Variants in FBXL20 observed in about 807,000 individuals in gnomAD.
The protein encoded by FBXL20 is F-box/LRR-repeat protein 20.
In FBXL20, 11 loss-of-function variants were observed where a neutral mutation model predicts 64.0. The observed-to-expected ratio is 0.17, with a 90% CI of 0.11 to 0.28. FBXL20 has a LOEUF of 0.28. FBXL20 is among the 10% of genes least tolerant of loss of function. The pLI, the probability that FBXL20 is intolerant of heterozygous loss-of-function variation, is 1.00. For synonymous variants in FBXL20, 184 were observed against 189.0 expected (o/e 0.97, Z 0.22); for missense variants, 303 against 526.2 (o/e 0.58, Z 4.15).
chr17:39,318,688 C>T (rs1224427133), intron 2 of FBXL20, among the ~76,000 whole-genome samples: 2 of 151,710 alleles, frequency 1.3e-5, no homozygotes, highest in Non-Finnish European at 2.9e-5. Flanking sequence ...TTCAGTGAGC[C>T]GAGATCATGC....
chr17:39,287,000 C>T (rs922839241), intron 6 of FBXL20, among the ~76,000 whole-genome samples: 2 of 149,602 alleles, frequency 1.3e-5, no homozygotes, highest in Admixed American at 6.7e-5. Flanking sequence ...GCAACCTCCG[C>T]CTCCTGGGTT....
At chr17:39,336,638 ACATGGTG>A (rs1174143496) in intron 2 of FBXL20, among the ~76,000 whole-genome samples, 1 of 152,094 alleles carries the variant, frequency 6.6e-6, no homozygotes, top group Non-Finnish European at 1.5e-5. Flanking sequence ...AGCCTGGCCA[ACATGGTG>A]AAACCCCATC....
At chr17:39,402,314 G>T, upstream of FBXL20, 5 of 854,246 alleles carry the variant, frequency 5.9e-6, no homozygotes, top group African/African-American at 1.7e-5. Flanking sequence ...CGCCTCCCCC[G>T]CCCCAGTGCA....
At chr17:39,332,763 G>T (rs1424978289) in intron 2 of FBXL20, among the ~76,000 whole-genome samples, 1 of 151,910 alleles carries the variant, frequency 6.6e-6, no homozygotes, top group African/African-American at 2.4e-5. Flanking sequence ...GAATGGTCCC[G>T]ATCTCCTGAC....
intron 2 of FBXL20, among the ~76,000 whole-genome samples, chr17:39,325,088 G>A (rs764164308): frequency 3.8e-4 from 58 of 152,140 alleles, no homozygotes; most frequent in Non-Finnish European, 7.8e-4. Flanking sequence ...GGCACCTGTA[G>A]TCCTAGTTAC....
chr17:39,372,871 C>G (rs1223453243), intron 1 of FBXL20, among the ~76,000 whole-genome samples: 1 of 151,900 alleles, frequency 6.6e-6, no homozygotes, highest in African/African-American at 2.4e-5. Context: ...GTGATCCACC[C>G]GCCTCAGCCT....
In FBXL20 at chr17:39,264,399, T is replaced by G; in HGVS notation, c.991-12A>C. ...CAGTGAGACAGACTCTGCAGCCAAA[T>G]AGAGCAAGGAAGGATGTTGAAATAT... On this transcript the variant is annotated splice_polypyrimidine_tract_variant and intron_variant, in intron 13 of 14. Coordinates refer to ENST00000264658, the MANE Select transcript of FBXL20 (RefSeq NM_032875.3). The G allele has an allele frequency of 6.2e-7, 1 of 1,610,702 alleles. No individual in the cohort carries two copies. Among genetic ancestry groups the G allele is most frequent in the East Asian group, 2.2e-5 (1 of 44,822 alleles).
intron 4 of FBXL20, 25 bp downstream of exon 4, chr17:39,300,976 G>C (rs1265844343): frequency 1.2e-5 from 20 of 1,607,164 alleles, no homozygotes; most frequent in Non-Finnish European, 1.7e-5. Flanking sequence ...CATGAAAACT[G>C]GGGCCACACA....
chr17:39,312,009 G>A (rs1322035531), intron 2 of FBXL20, among the ~76,000 whole-genome samples: 1 of 152,096 alleles, frequency 6.6e-6, no homozygotes, highest in African/African-American at 2.4e-5. Context: ...TCCTGAAGGG[G>A]TTCTAAGTAT....
intron 12 of FBXL20, among the ~76,000 whole-genome samples, chr17:39,268,309 C>T (rs1260739724): frequency 1.3e-5 from 2 of 151,942 alleles, no homozygotes; most frequent in African/African-American, 4.8e-5. Flanking sequence ...GCTGAGATCT[C>T]GCCACTGCAC....
At chr17:39,362,838 A>G (rs972795437) in intron 1 of FBXL20, among the ~76,000 whole-genome samples, 1 of 144,038 alleles carries the variant, frequency 6.9e-6, no homozygotes, top group Non-Finnish European at 1.5e-5. Context: ...CAGACTGGTC[A>G]TGCTCCTGAC....
At chr17:39,328,744 T>C (rs2047433224) in intron 2 of FBXL20, among the ~76,000 whole-genome samples, 1 of 152,190 alleles carries the variant, frequency 6.6e-6, no homozygotes, top group African/African-American at 2.4e-5. Flanking sequence ...CAAAGTTTTA[T>C]GAGAAACAAG....
chr17:39,313,367 G>GCCTT (rs1224248219), intron 2 of FBXL20, among the ~76,000 whole-genome samples: 1 of 151,816 alleles, frequency 6.6e-6, no homozygotes, highest in African/African-American at 2.4e-5. Context: ...CCAAGTAGCT[G>GCCTT]GAATTACAGG....
At chr17:39,315,389 TAATTTA>T (rs1434847563) in intron 2 of FBXL20, among the ~76,000 whole-genome samples, 3 of 96,146 alleles carry the variant, frequency 3.1e-5, no homozygotes, top group East Asian at 5.2e-4. Flanking sequence ...AAAGTTTAAA[TAATTTA>T]TATATATATA....
chr17:39,344,523 C>T (rs1314314860), intron 1 of FBXL20, among the ~76,000 whole-genome samples: 1 of 152,086 alleles, frequency 6.6e-6, no homozygotes, highest in Non-Finnish European at 1.5e-5. Context: ...CAGTGGCTCA[C>T]ACTTGTAATC....
chr17:39,286,163 G>C (rs1174902228), intron 6 of FBXL20, among the ~76,000 whole-genome samples: 2 of 152,166 alleles, frequency 1.3e-5, no homozygotes, highest in Non-Finnish European at 2.9e-5. Flanking sequence ...ATATAAACAA[G>C]AGTAAATAAT....
chr17:39,318,547 C>A (rs2144506115), intron 2 of FBXL20, among the ~76,000 whole-genome samples: 1 of 152,120 alleles, frequency 6.6e-6, no homozygotes, highest in South Asian at 2.1e-4. Context: ...TCGAGACCAG[C>A]CTGACGAACA....
intron 1 of FBXL20, among the ~76,000 whole-genome samples, chr17:39,354,515 A>T (rs2047717712): frequency 6.6e-6 from 1 of 152,212 alleles, no homozygotes; most frequent in Admixed American, 6.5e-5. Flanking sequence ...AAGCTCTGAG[A>T]GGAAAGGGAC....
chr17:39,282,919 C>G (rs778821745), intron 7 of FBXL20, 64 bp from the exon 8 acceptor site: 2 of 1,579,728 alleles, frequency 1.3e-6, no homozygotes, highest in Non-Finnish European at 1.7e-6. Flanking sequence ...ACCAACGTCT[C>G]AATTTATTGG....
Sources: allele counts gnomAD v4.1 joint callset (sites outside exome capture counted in the v4.1 genomes callset), GRCh38; gene constraint gnomAD v4.1.1; transcripts MANE v1.5; gene names NCBI Gene and HGNC (gene_info 2026-07-23, HGNC 2026-07-21).